CFC1: variants seen among roughly 807,000 people sequenced by gnomAD.
CFC1 encodes the protein cryptic, EGF-CFC family member 1.
For synonymous variants in CFC1, 8 were observed against 50.7 expected (o/e 0.16, Z 3.58); for missense variants, 14 against 120.0 (o/e 0.12, Z 4.13).
intron 5 of CFC1, among the ~76,000 whole-genome samples, chr2:130,594,805 C>T (rs1684920704): frequency 6.8e-6 from 1 of 146,924 alleles, no homozygotes; most frequent in South Asian, 2.1e-4. Context: ...CTTAGACTAA[C>T]AAGGAGATCC....
At chr2:130,594,216 G>A (rs1436414513) in intron 5 of CFC1, among the ~76,000 whole-genome samples, 2 of 149,086 alleles carry the variant, frequency 1.3e-5, no homozygotes, top group Non-Finnish European at 2.9e-5. Flanking sequence ...AGGCTTGGGT[G>A]CCACCTCCCC....
intron 5 of CFC1, among the ~76,000 whole-genome samples, chr2:130,594,134 C>T (rs1279163877): frequency 2.0e-5 from 3 of 151,698 alleles, no homozygotes; most frequent in Non-Finnish European, 4.4e-5. Flanking sequence ...CAGATGAACA[C>T]CTGCAGCAAG....
In CFC1 at chr2:130,592,303, C is replaced by T. The variant is rs1451522369; in HGVS notation, c.*574G>A. ...ATATAAAATGTAAAAGTAATTATGTCACACAGGCTCATGAACTACAGTGGA... is the reference window on the plus strand; with the variant it reads ...ATATAAAATGTAAAAGTAATTATGTTACACAGGCTCATGAACTACAGTGGA... On this transcript the variant is annotated 3_prime_UTR_variant, in exon 6 of 6. Coordinates refer to ENST00000259216, the MANE Select transcript of CFC1 (RefSeq NM_032545.4). 2.9e-5 allele frequency: 5 copies of T among 172,538 alleles called. No homozygotes were observed. Among genetic ancestry groups the T allele is most frequent in the African/African-American group, 1.0e-4 (4 of 38,932 alleles). The allele number at this position is 172,538 out of a possible 1,614,324, so 10.7% of individuals were successfully genotyped here. A position where few individuals can be genotyped will look rare whatever the true frequency, so the allele number is the denominator to read the frequency against.
rs1229923078 is a variant in CFC1 at position 130,592,214 on chromosome 2, G to C, written c.*663C>G. On this transcript the variant is annotated 3_prime_UTR_variant, in exon 6 of 6. Coordinates refer to ENST00000259216, the MANE Select transcript of CFC1 (RefSeq NM_032545.4). Reference sequence around the variant, plus strand: ...TCTTTAATACTCATTTGAATGTTACGTTAAATTCATATTTTCATAGCCAAT... The same window carrying C: ...TCTTTAATACTCATTTGAATGTTACCTTAAATTCATATTTTCATAGCCAAT... 1 of 150,984 alleles carries C rather than the reference G, an allele frequency of 6.6e-6. No individual in the cohort carries two copies. The highest frequency in any genetic ancestry group is 1.4e-5 in the Non-Finnish European group (1 of 69,496). The allele number at this position is 150,984 out of a possible 1,614,324, so 9.4% of individuals were successfully genotyped here.
Position 130,592,478 on chromosome 2 carries a change from G to C in CFC1, c.*399C>G, listed in dbSNP as rs1414638452. ...ATCCCCCTGGACTGGTTGTGGACAC[G>C]ACAGCCTCCTCAGATTGGGAAGCGA... On this transcript the variant is annotated 3_prime_UTR_variant, in exon 6 of 6. Transcript: ENST00000259216. 2.3e-5 allele frequency: 4 copies of C among 173,044 alleles called. No homozygotes were observed. The highest frequency in any genetic ancestry group is 5.1e-5 in the African/African-American group (2 of 39,556). 10.7% of individuals were successfully genotyped at this position (173,044 alleles called of 1,614,324 possible). A position where few individuals can be genotyped will look rare whatever the true frequency, so the allele number is the denominator to read the frequency against.
intron 5 of CFC1, among the ~76,000 whole-genome samples, chr2:130,593,493 C>G (rs1684874531): frequency 6.6e-6 from 1 of 152,030 alleles, no homozygotes; most frequent in Non-Finnish European, 1.5e-5. Flanking sequence ...TCCACTTTTC[C>G]CCAAATGAGT....
chr2:130,595,061 CA>C (rs1196515218), intron 5 of CFC1, among the ~76,000 whole-genome samples: 2 of 146,300 alleles, frequency 1.4e-5, no homozygotes, highest in African/African-American at 5.6e-5. Context: ...GGAACATGAC[CA>C]AATTTTCTAT....
chr2:130,593,290 CG>C, intron 5 of CFC1, among the ~76,000 whole-genome samples: 1 of 152,376 alleles, frequency 6.6e-6, no homozygotes, highest in East Asian at 1.9e-4. Context: ...TTGTAGAACT[CG>C]GAGAGCTGAA....
intron 5 of CFC1, among the ~76,000 whole-genome samples, chr2:130,594,483 TGTGAGAG>T (rs1684911295): frequency 5.0e-5 from 7 of 138,842 alleles, no homozygotes; most frequent in Admixed American, 4.9e-4. Context: ...TGCCAGGACC[TGTGAGAG>T]CCATTCCAAT....
intron 5 of CFC1, among the ~76,000 whole-genome samples, chr2:130,595,460 G>A (rs1416102907): frequency 1.4e-5 from 2 of 148,040 alleles, no homozygotes; most frequent in African/African-American, 5.3e-5. Flanking sequence ...GGCCGGGCAC[G>A]GTGGCTCACG....
At chr2:130,593,408 T>C (rs1250862566) in intron 5 of CFC1, among the ~76,000 whole-genome samples, 2 of 152,286 alleles carry the variant, frequency 1.3e-5, no homozygotes, top group African/African-American at 4.8e-5. Flanking sequence ...CATTGAGCGA[T>C]GGGGCACATA....
intron 5 of CFC1, among the ~76,000 whole-genome samples, chr2:130,596,659 A>G (rs1337563546): frequency 6.9e-6 from 1 of 144,604 alleles, no homozygotes; most frequent in Non-Finnish European, 1.5e-5. Context: ...AGAGGACAGG[A>G]AGGTGAAGGA....
intron 5 of CFC1, among the ~76,000 whole-genome samples, chr2:130,594,040 G>C (rs1408609169): frequency 6.8e-6 from 1 of 146,834 alleles, no homozygotes; most frequent in South Asian, 2.1e-4. Context: ...GGCCTGCCCT[G>C]CCCTCTGCTA....
At chr2:130,594,056 C>T (rs1206526860) in intron 5 of CFC1, among the ~76,000 whole-genome samples, 2 of 149,060 alleles carry the variant, frequency 1.3e-5, no homozygotes, top group African/African-American at 2.5e-5. Flanking sequence ...TGCTATACCT[C>T]CAGGAGATGT....
intron 3 of CFC1, 76 bp downstream of exon 3, chr2:130,598,566 A>G (rs1413369173): frequency 6.5e-7 from 1 of 1,547,174 alleles, no homozygotes; most frequent in African/African-American, 1.4e-5. Context: ...TTTATCCTAC[A>G]TATTCTCAGG....
In CFC1 at chr2:130,598,626, C is replaced by T; in HGVS notation, c.247+16G>A. ...GAGATGACGCCCCGGATTTTGTGGGCAGCGCTGCAACTTACCCTCTCCGAA... is the reference window on the plus strand; with the variant it reads ...GAGATGACGCCCCGGATTTTGTGGGTAGCGCTGCAACTTACCCTCTCCGAA... On this transcript the variant is annotated intron_variant, in intron 3 of 5. Coordinates refer to ENST00000259216, the MANE Select transcript of CFC1 (RefSeq NM_032545.4). 6.2e-7 allele frequency: 1 copy of T among 1,613,936 alleles called. No individual in the cohort carries two copies. Among genetic ancestry groups the T allele is most frequent in the Non-Finnish European group, 8.5e-7 (1 of 1,179,888 alleles).
At chr2:130,593,415 C>A (rs1184319699) in intron 5 of CFC1, among the ~76,000 whole-genome samples, 1 of 152,278 alleles carries the variant, frequency 6.6e-6, no homozygotes. Flanking sequence ...CGATGGGGCA[C>A]ATAGACCCGA....
chr2:130,595,860 C>T (rs1175419063), intron 5 of CFC1, among the ~76,000 whole-genome samples: 2 of 131,572 alleles, frequency 1.5e-5, no homozygotes, highest in Non-Finnish European at 3.1e-5. Context: ...ACTTCATTGG[C>T]TTTCATAAGA....
At chr2:130,598,441 A>C (rs1188332272) in intron 3 of CFC1, among the ~76,000 whole-genome samples, 2 of 150,712 alleles carry the variant, frequency 1.3e-5, no homozygotes, top group Non-Finnish European at 2.9e-5. Flanking sequence ...ACGTTTTACC[A>C]ATGAAAGAGT....
Sources: gnomAD v4.1 joint callset for allele counts (sites outside exome capture counted in the v4.1 genomes callset) on GRCh38, gnomAD v4.1.1 for gene constraint, MANE v1.5 for transcripts, NCBI Gene and HGNC (gene_info 2026-07-23, HGNC 2026-07-21) for gene names.